Variants in FUZ observed in about 807,000 individuals in gnomAD.
FUZ encodes fuzzy planar cell polarity protein.
In FUZ, 31 loss-of-function variants were observed where a neutral mutation model predicts 43.1. That is an observed-to-expected ratio of 0.72 (90% confidence interval 0.54 to 0.97). The LOEUF is 0.97. FUZ is among the 50% of genes least tolerant of loss of function. The pLI is 0.00. For missense variants in FUZ, 539 were observed against 543.8 expected (o/e 0.99, Z 0.09); for synonymous variants, 274 against 250.0 (o/e 1.10, Z -0.91).
chr19:49,811,165 GAAAGAAAAGAAA>G (rs758999971), intron 5 of FUZ, 186 bp downstream of exon 5: 68 of 612,994 alleles, frequency 1.1e-4, no homozygotes, highest in Admixed American at 1.4e-4. Context: ...TAAAAAGAGA[GAAAGAAAAGAAA>G]AAAGAAAAGA....
At position 49,808,562 on chromosome 19, in the gene FUZ, G is replaced by C. The variant is rs998473282; in HGVS notation, c.958+12C>G. ...CCCTCCTACCCCTGCCCCTGCCCCT[G>C]TCCTCAGTCACCTTTATCCCCCAAG... On this transcript the variant is annotated intron_variant, in intron 9 of 10. Coordinates refer to ENST00000313777, the MANE Select transcript of FUZ (RefSeq NM_025129.5). The C allele has an allele frequency of 6.2e-7, 1 of 1,603,968 alleles. No homozygotes were observed. The highest frequency in any genetic ancestry group is 8.5e-7 in the Non-Finnish European group (1 of 1,175,492).
chr19:49,813,304 A>C, upstream of FUZ: 1 of 678,774 alleles, frequency 1.5e-6, no homozygotes, highest in East Asian at 2.7e-5. Context: ...CCTCCCCCAA[A>C]CCCATTAGGT....
chr19:49,807,895 C>G (rs117914453), intron 10 of FUZ, among the ~76,000 whole-genome samples: 1 of 152,124 alleles, frequency 6.6e-6, no homozygotes, highest in South Asian at 2.1e-4. Flanking sequence ...AAGGGTTCTA[C>G]GACAATTTTT....
At chr19:49,810,283 G>A (rs556420047) in intron 5 of FUZ, among the ~76,000 whole-genome samples, 1 of 152,118 alleles carries the variant, frequency 6.6e-6, no homozygotes, top group South Asian at 2.1e-4. Flanking sequence ...ATGGGAGGCT[G>A]AGGCGGGAGG....
intron 5 of FUZ, among the ~76,000 whole-genome samples, chr19:49,810,669 ACT>A (rs1179771629): frequency 3.1e-5 from 4 of 127,014 alleles, no homozygotes; most frequent in East Asian, 4.6e-4. Flanking sequence ...ACAGTGTAAG[ACT>A]CTGTCTCAAA....
At position 49,809,298 on chromosome 19, in the gene FUZ, C is replaced by T; in HGVS notation, c.691-40G>A. The T allele has an allele frequency of 1.3e-6, 2 of 1,549,336 alleles. No homozygotes were observed. Among genetic ancestry groups the T allele is most frequent in the Non-Finnish European group, 1.7e-6 (2 of 1,146,602 alleles). On this transcript the variant is annotated intron_variant, in intron 6 of 10. Transcript: ENST00000313777. This position sits in a 1 kb window ranked among gnomAD's most constrained non-coding sequence, Gnocchi z 5.1. ...AGGCTGGGGCTCATCGCGGCCCGGCCCCTTTCCATCGCAGATCCCGCCTCC... is the reference window on the plus strand; with the variant it reads ...AGGCTGGGGCTCATCGCGGCCCGGCTCCTTTCCATCGCAGATCCCGCCTCC...
In FUZ at chr19:49,809,288, G is replaced by A. The variant is rs571012342; in HGVS notation, c.691-30C>T. ...AGCAGGGCACAGGCTGGGGCTCATC[G>A]CGGCCCGGCCCCTTTCCATCGCAGA... On this transcript the variant is annotated intron_variant, in intron 6 of 10. Coordinates refer to ENST00000313777, the MANE Select transcript of FUZ (RefSeq NM_025129.5). The surrounding 1 kb of genome is among the most constrained non-coding windows in gnomAD (Gnocchi z 5.1). The A allele has an allele frequency of 1.3e-5, 20 of 1,549,664 alleles. No homozygotes were observed. The African/African-American group carries it at 2.7e-4, about 21-fold the overall frequency.
In FUZ at chr19:49,812,734, G is replaced by C; in HGVS notation, c.114C>G (p.Leu38=). ...SRGGAPARQQ[L]PFSVIGSLNG... ...TGAGGGAACCGATGACAGAGAACGG[G>C]AGCTAAGGAGGGGTTAGGGACATCA... Residue 38 remains leucine, a splice_region_variant and synonymous_variant, in exon 2 of 11, where the codon CTC becomes CTG. Coordinates refer to ENST00000313777, the MANE Select transcript of FUZ (RefSeq NM_025129.5). The C allele has an allele frequency of 6.2e-7, 1 of 1,613,834 alleles. No individual in the cohort carries two copies. Among genetic ancestry groups the C allele is most frequent in the South Asian group, 1.1e-5 (1 of 91,084 alleles).
chr19:49,807,498 G>T, intron 10 of FUZ, 124 bp from the exon 11 acceptor site: 1 of 969,114 alleles, frequency 1.0e-6, no homozygotes, highest in Non-Finnish European at 1.6e-6. Flanking sequence ...GGAGCCTCCT[G>T]CCAGGGGAGG....
In FUZ at chr19:49,809,750, G is replaced by T. The variant is rs900949778; in HGVS notation, c.493-175C>A. 6.0e-6 allele frequency: 4 copies of T among 661,656 alleles called. No individual in the cohort carries two copies. The highest frequency in any genetic ancestry group is 3.6e-5 in the African/African-American group (2 of 56,112). 41.0% of individuals were successfully genotyped at this position (661,656 alleles called of 1,614,324 possible). A position where few individuals can be genotyped will look rare whatever the true frequency, so the allele number is the denominator to read the frequency against. ...CTGAGTTCCTTCACTTTCATACGAA[G>T]TCACATCCCCAACTCACACTGTGAA... On this transcript the variant is annotated intron_variant, in intron 5 of 10. Coordinates refer to ENST00000313777, the MANE Select transcript of FUZ (RefSeq NM_025129.5). This position sits in a 1 kb window ranked among gnomAD's most constrained non-coding sequence, Gnocchi z 5.1.
chr19:49,813,026 G>C lies in FUZ; in HGVS notation c.81C>G (p.Ser27Arg), dbSNP rs1047970332. ...ASSGVPLFCR[S>R]SRGGAPARQQ... ...GACGGGCGGGGGCGCCGCCGCGACT[G>C]CTCCTGCAGAATAGGGGGACCCCGC... The change falls in exon 1 of 11, where the codon AGC becomes AGG. Residue 27 changes from serine to arginine, a missense_variant. By Grantham distance (110) the Ser-to-Arg change is moderately radical. Transcript: ENST00000313777. 1 of 1,551,098 alleles carries C rather than the reference G, an allele frequency of 6.4e-7. No homozygotes were observed. The highest frequency in any genetic ancestry group is 1.2e-5 in the South Asian group (1 of 84,060).
Position 49,807,264 on chromosome 19 carries a change from CCACCAGACG to C in FUZ, c.1135_1143del (p.Arg379_Val381del). 2.5e-6 allele frequency: 4 copies of C among 1,613,306 alleles called. No individual in the cohort carries two copies. Among genetic ancestry groups the C allele is most frequent in the Non-Finnish European group, 3.4e-6 (4 of 1,179,828 alleles). On this transcript the variant is annotated inframe_deletion, in exon 11 of 11. Coordinates refer to ENST00000313777, the MANE Select transcript of FUZ (RefSeq NM_025129.5). ...AGCCGCCGAAGCCCCAGCTGCAAGG[CCACCAGACG>C]CACTCCTGTGCCTGGTTCCTCAGTC...
At chr19:49,810,650 GC>G (rs1331198029) in intron 5 of FUZ, among the ~76,000 whole-genome samples, 5 of 137,782 alleles carry the variant, frequency 3.6e-5, no homozygotes, top group Non-Finnish European at 6.0e-5. Flanking sequence ...TTGCACTCCA[GC>G]CCCTGTGACA....
chr19:49,808,656 G>C lies in FUZ; in HGVS notation c.894-18C>G. On this transcript the variant is annotated intron_variant, in intron 8 of 10. Coordinates refer to ENST00000313777, the MANE Select transcript of FUZ (RefSeq NM_025129.5). Reference sequence around the variant, plus strand: ...GCAGCAGCCTGTGGGAAAGGGAAGGGAATGTCATGGCTGGGGAAGAGGACA... The same window carrying C: ...GCAGCAGCCTGTGGGAAAGGGAAGGCAATGTCATGGCTGGGGAAGAGGACA... 1.9e-6 allele frequency: 3 copies of C among 1,612,340 alleles called. No individual in the cohort carries two copies. The highest frequency in any genetic ancestry group is 2.5e-6 in the Non-Finnish European group (3 of 1,179,288).
At chr19:49,812,848 C>A in intron 1 of FUZ, 112 bp from the exon 2 acceptor site, 1 of 1,456,986 alleles carries the variant, frequency 6.9e-7, no homozygotes, top group Non-Finnish European at 9.5e-7. Flanking sequence ...CCTGGCAGTG[C>A]CTCTTTGGGG....
At position 49,812,182 on chromosome 19, in the gene FUZ, T is replaced by G. The variant is rs1600295680; in HGVS notation, c.318+69A>C. The G allele has an allele frequency of 4.6e-6, 5 of 1,083,960 alleles. No individual in the cohort carries two copies. The East Asian group carries it at 1.2e-4, about 27-fold the overall frequency. The allele number at this position is 1,083,960 out of a possible 1,614,324, so 67.1% of individuals were successfully genotyped here. On this transcript the variant is annotated intron_variant, in intron 3 of 10. Transcript: ENST00000313777. ...AGTGTTGGTGGTCTGCACTCCTAGGTCTGAGGGAAAAGGATGCTGAGATCT... is the reference window on the plus strand; with the variant it reads ...AGTGTTGGTGGTCTGCACTCCTAGGGCTGAGGGAAAAGGATGCTGAGATCT...
chr19:49,808,560 C>CTGCCCT lies in FUZ; in HGVS notation c.958+13_958+14insAGGGCA. ...GCCCCTCCTACCCCTGCCCCTGCCC[C>CTGCCCT]TGTCCTCAGTCACCTTTATCCCCCA... On this transcript the variant is annotated intron_variant, in intron 9 of 10. Coordinates refer to ENST00000313777, the MANE Select transcript of FUZ (RefSeq NM_025129.5). 1 of 1,603,220 alleles carries CTGCCCT rather than the reference C, an allele frequency of 6.2e-7. No individual in the cohort carries two copies. Among genetic ancestry groups the CTGCCCT allele is most frequent in the South Asian group, 1.1e-5 (1 of 89,342 alleles).
rs1329187013 is a variant in FUZ at position 49,813,099 on chromosome 19, T to C, written c.8A>G (p.Glu3Gly). 1.3e-6 allele frequency: 2 copies of C among 1,550,996 alleles called. No individual in the cohort carries two copies. Among genetic ancestry groups the C allele is most frequent in the Non-Finnish European group, 1.7e-6 (2 of 1,146,850 alleles). The change falls in exon 1 of 11, where the codon GAG becomes GGG. Residue 3 changes from glutamate to glycine, a missense_variant. Glu to Gly is a moderately conservative substitution (Grantham distance 98). Transcript: ENST00000313777. ...ATGCACAGTGCCGCCCGTCCCCTCCTCCCCCATTTAGGACTCCCACCGCGG... is the reference window on the plus strand; with the variant it reads ...ATGCACAGTGCCGCCCGTCCCCTCCCCCCCCATTTAGGACTCCCACCGCGG... The part of the protein sequence containing the change: MG[E>G]EGTGGTVHLL...
rs1365494361 is a variant in FUZ, at chr19:49,811,459, A to G, written c.396T>C (p.Tyr132=). 6.2e-7 allele frequency: 1 copy of G among 1,613,980 alleles called. No homozygotes were observed. The highest frequency in any genetic ancestry group is 1.7e-5 in the Admixed American group (1 of 60,004). ...CCCCCAGGAAGCTGTCGATGAGGCA[A>G]TAACTGGCCTAGGAGAGGAAGAAGG... ...ERLKKDLRAS[Y]CLIDSFLGDS... The change falls in exon 5 of 11, where the codon TAT becomes TAC. Residue 132 remains tyrosine (Y), a synonymous_variant. Transcript: ENST00000313777.
Sources: gnomAD v4.1 joint callset for allele counts (sites outside exome capture counted in the v4.1 genomes callset) on GRCh38, gnomAD v4.1.1 for gene constraint, Gnocchi (gnomAD v3.1) non-coding constraint, MANE v1.5 for transcripts, NCBI Gene and HGNC (gene_info 2026-07-23, HGNC 2026-07-21) for gene names.